Variants in SLC36A1 observed in about 807,000 individuals in gnomAD.
The protein encoded by SLC36A1 is solute carrier family 36 member 1, also known as proton-coupled amino acid transporter 1.
A neutral mutation model predicts 47.5 loss-of-function variants in SLC36A1; 30 were observed. That is an observed-to-expected ratio of 0.63 (90% CI 0.47 to 0.86). The LOEUF is 0.86. SLC36A1 is among the 40% of genes least tolerant of loss of function. The pLI, the probability that SLC36A1 is intolerant of heterozygous loss-of-function variation, is 0.00. For synonymous variants in SLC36A1, 255 were observed against 249.7 expected (o/e 1.02, Z -0.20); for missense variants, 517 against 606.0 (o/e 0.85, Z 1.54).
chr5:151,544,446 T>G, the SLC36A1 span: 8 of 1,614,210 alleles, frequency 5.0e-6, no homozygotes, highest in Non-Finnish European at 6.8e-6. Flanking sequence ...AAGGCCCTGT[T>G]ACTGTTAGGA....
the SLC36A1 span, among the ~76,000 whole-genome samples, chr5:151,392,686 T>C: frequency 6.6e-6 from 1 of 152,246 alleles, no homozygotes; most frequent in African/African-American, 2.4e-5. Flanking sequence ...GAGCAGGTTG[T>C]TCAGTTTCCA....
the SLC36A1 span, among the ~76,000 whole-genome samples, chr5:151,362,687 A>G: frequency 6.6e-6 from 1 of 152,256 alleles, no homozygotes; most frequent in East Asian, 1.9e-4. Flanking sequence ...CACAGAGCCC[A>G]GCCCCTGCTT....
the SLC36A1 span, chr5:151,366,332 T>G: frequency 0.53 from 90,087 of 171,422 alleles, 26,907 homozygotes; most frequent in African/African-American, 0.85. Flanking sequence ...GTTCAAACAA[T>G]GCTAGAATGT....
chr5:151,424,231 C>T, the SLC36A1 span, among the ~76,000 whole-genome samples: 1 of 152,158 alleles, frequency 6.6e-6, no homozygotes, highest in Non-Finnish European at 1.5e-5. Flanking sequence ...TGGGTTTGAA[C>T]ATGGAGACTC....
chr5:151,521,379 A>G, the SLC36A1 span: 3 of 1,614,178 alleles, frequency 1.9e-6, no homozygotes, highest in South Asian at 3.3e-5. Context: ...GCACTGTGTT[A>G]TGGCAGATTT....
At chr5:151,383,937 AAT>A in the SLC36A1 span, among the ~76,000 whole-genome samples, 1 of 152,146 alleles carries the variant, frequency 6.6e-6, no homozygotes, top group Non-Finnish European at 1.5e-5. Context: ...ATTTCATTAG[AAT>A]TAGTTCACCT....
intron 7 of SLC36A1, among the ~76,000 whole-genome samples, chr5:151,472,782 G>T (rs565372388): frequency 6.6e-6 from 1 of 152,304 alleles, no homozygotes; most frequent in East Asian, 1.9e-4. Context: ...GTATCAGAGT[G>T]AATATATAAA....
the SLC36A1 span, among the ~76,000 whole-genome samples, chr5:151,424,620 G>T: frequency 6.6e-6 from 1 of 152,158 alleles, no homozygotes; most frequent in Non-Finnish European, 1.5e-5. Flanking sequence ...GAGTCTTATG[G>T]AATTCCTAAG....
the SLC36A1 span, among the ~76,000 whole-genome samples, chr5:151,368,978 G>A: frequency 3.9e-5 from 6 of 152,150 alleles, no homozygotes; most frequent in Non-Finnish European, 8.8e-5. Context: ...CAGCTGATAC[G>A]CATGCTTGCT....
downstream of SLC36A1, among the ~76,000 whole-genome samples, chr5:151,496,851 A>G (rs1760358499): frequency 6.6e-6 from 1 of 152,182 alleles, no homozygotes; most frequent in African/African-American, 2.4e-5. Context: ...GTTTTGTTAG[A>G]TTTATACTTA....
At chr5:151,499,202 A>G in the SLC36A1 span, among the ~76,000 whole-genome samples, 5 of 152,196 alleles carry the variant, frequency 3.3e-5, no homozygotes, top group Admixed American at 1.3e-4. Flanking sequence ...AAGTTTTAAA[A>G]TTGTCTTTTT....
chr5:151,460,849 A>T (rs775218346), intron 2 of SLC36A1, among the ~76,000 whole-genome samples: 1 of 149,468 alleles, frequency 6.7e-6, no homozygotes, highest in East Asian at 1.9e-4. Flanking sequence ...CAAGGAACAA[A>T]ATACATGGAA....
chr5:151,486,367 G>GATAAAT (rs1759546161), intron 10 of SLC36A1, among the ~76,000 whole-genome samples: 1 of 151,756 alleles, frequency 6.6e-6, no homozygotes, highest in Non-Finnish European at 1.5e-5. Flanking sequence ...ATTTGGAGGG[G>GATAAAT]ATCCAAACCA....
chr5:151,352,987 G>T, the SLC36A1 span, among the ~76,000 whole-genome samples: 2 of 152,302 alleles, frequency 1.3e-5, no homozygotes, highest in East Asian at 3.9e-4. Flanking sequence ...ACCCCCTCTG[G>T]AATAAGGGTC....
the SLC36A1 span, among the ~76,000 whole-genome samples, chr5:151,506,479 A>G: frequency 6.6e-6 from 1 of 152,006 alleles, no homozygotes; most frequent in African/African-American, 2.4e-5. Context: ...ACTCACTCAC[A>G]GGTGTGATGG....
the SLC36A1 span, chr5:151,529,238 G>A: frequency 6.2e-7 from 1 of 1,613,998 alleles, no homozygotes; most frequent in Non-Finnish European, 8.5e-7. Flanking sequence ...ATGGATCTTG[G>A]GGGAATTGGG....
chr5:151,424,388 C>G, the SLC36A1 span, among the ~76,000 whole-genome samples: 2 of 152,126 alleles, frequency 1.3e-5, no homozygotes, highest in East Asian at 3.8e-4. Context: ...ATCTCCAGAG[C>G]TAAGAAGGCA....
At chr5:151,472,590 C>T (rs1757471130) in intron 7 of SLC36A1, among the ~76,000 whole-genome samples, 1 of 152,144 alleles carries the variant, frequency 6.6e-6, no homozygotes, top group Admixed American at 6.5e-5. Context: ...CTTTTTGCTC[C>T]TCCTCCCCAC....
the SLC36A1 span, among the ~76,000 whole-genome samples, chr5:151,499,134 A>C: frequency 6.6e-6 from 1 of 152,238 alleles, no homozygotes; most frequent in Non-Finnish European, 1.5e-5. Flanking sequence ...CTTTGTATCA[A>C]TCTAACCAGG....
Sources: allele counts gnomAD v4.1 joint callset (sites outside exome capture counted in the v4.1 genomes callset), GRCh38; gene constraint gnomAD v4.1.1; transcripts MANE v1.5; gene names NCBI Gene and HGNC (gene_info 2026-07-23, HGNC 2026-07-21).